DOCK10: variants seen among roughly 807,000 people sequenced by gnomAD.
DOCK10 encodes dedicator of cytokinesis 10.
Under a neutral mutation model 280.1 loss-of-function variants are expected in DOCK10, and 145 were observed. The ratio of observed to expected loss-of-function variants is 0.52; its 90% CI spans 0.45 to 0.59. The LOEUF is 0.59. Among genes scored for constraint, DOCK10 ranks in the 20% least tolerant of loss-of-function variants. The probability of loss-of-function intolerance (pLI) is 0.00; values close to 1 mark genes in which losing one functional copy is unlikely to be tolerated. For missense variants in DOCK10, 2,368 were observed against 2,651.7 expected, an observed-to-expected ratio of 0.89 and a Z score of 2.35; for synonymous variants, 915 against 942.2, an observed-to-expected ratio of 0.97 and a Z score of 0.53.
At chr2:224,879,320 C>T (rs566738283) in intron 7 of DOCK10, among the ~76,000 whole-genome samples, 18 of 152,156 alleles carry the variant, frequency 1.2e-4, no homozygotes, top group African/African-American at 3.6e-4. Flanking sequence ...GATGTTCTGA[C>T]GAAGAAGGGC....
rs1412096665 is a variant in DOCK10, at chr2:224,778,275, C to CA, written c.5664dup (p.Glu1889Ter). The CA allele has an allele frequency of 4.4e-6, 7 of 1,600,852 alleles. No individual in the cohort carries two copies. The highest frequency in any genetic ancestry group is 6.0e-6 in the Non-Finnish European group (7 of 1,173,046). Reference sequence around the variant, plus strand: ...ATATACTCTTTACCTTCTTCTTCTTCAAAAAAGCCCTATGGAACATAATGA... The same window carrying CA: ...ATATACTCTTTACCTTCTTCTTCTTCAAAAAAAGCCCTATGGAACATAATGA... On this transcript the variant is annotated frameshift_variant, in exon 51 of 56. Transcript: ENST00000258390. LOFTEE classifies it high-confidence loss of function.
At chr2:224,853,779 T>C (rs893047799) in intron 16 of DOCK10, among the ~76,000 whole-genome samples, 3 of 152,244 alleles carry the variant, frequency 2.0e-5, no homozygotes, top group Admixed American at 2.0e-4. Flanking sequence ...GTTGTGGTAC[T>C]GAAAGACCAA....
chr2:224,821,845 TC>T (rs36080420), intron 28 of DOCK10, among the ~76,000 whole-genome samples: 1 of 152,132 alleles, frequency 6.6e-6, no homozygotes, highest in Non-Finnish European at 1.5e-5. Flanking sequence ...CAGTAACTTT[TC>T]CCCCCTTTAA....
At chr2:225,040,449 G>A (rs970896645) in intron 1 of DOCK10, among the ~76,000 whole-genome samples, 3 of 151,866 alleles carry the variant, frequency 2.0e-5, no homozygotes, top group Non-Finnish European at 4.4e-5. Context: ...AAGACAGCGA[G>A]CTTATTCATT....
chr2:224,781,905 G>GT (rs1347284063), intron 50 of DOCK10, among the ~76,000 whole-genome samples: 1 of 152,064 alleles, frequency 6.6e-6, no homozygotes, highest in Admixed American at 6.6e-5. Context: ...GATCATCACT[G>GT]TGTTGTCAAA....
chr2:224,845,095 T>C, intron 21 of DOCK10, 108 bp downstream of exon 21: 1 of 1,180,266 alleles, frequency 8.5e-7, no homozygotes, highest in South Asian at 1.5e-5. Context: ...GATTCATAGC[T>C]ACAAGGGACA....
At chr2:224,788,969 T>C (rs995301623) in intron 48 of DOCK10, 95 bp downstream of exon 48, 1 of 721,524 alleles carries the variant, frequency 1.4e-6, no homozygotes, top group Non-Finnish European at 2.3e-6. Context: ...TATTATAAAA[T>C]AGCTGTAAGC....
intron 27 of DOCK10, among the ~76,000 whole-genome samples, chr2:224,829,781 T>C (rs1170304862): frequency 1.3e-5 from 2 of 152,040 alleles, no homozygotes; most frequent in Non-Finnish European, 2.9e-5. Flanking sequence ...GGATCTAGAA[T>C]GGAGAGTTGG....
At chr2:224,973,750 T>C (rs551204431) in intron 1 of DOCK10, among the ~76,000 whole-genome samples, 12 of 152,316 alleles carry the variant, frequency 7.9e-5, no homozygotes, top group African/African-American at 2.9e-4. Flanking sequence ...CTCACGACTC[T>C]CATTTTACAG....
intron 11 of DOCK10, among the ~76,000 whole-genome samples, 166 bp from the exon 12 acceptor site, chr2:224,865,253 C>A (rs562059551): frequency 1.4e-4 from 21 of 152,298 alleles, no homozygotes; most frequent in Non-Finnish European, 2.5e-4. Context: ...GCCTTAGATC[C>A]CAGTACTGTA....
Position 224,847,318 on chromosome 2 carries a change from G to A in DOCK10, c.2236-1676C>T, listed in dbSNP as rs920053762. ...GAAGCAGGGCTGCACATGTTAGGGG[G>A]CTCTGAGTTACTGTGCAGGTGGTGT... On this transcript the variant is annotated intron_variant, in intron 19 of 55. Coordinates refer to ENST00000258390, the MANE Select transcript of DOCK10 (RefSeq NM_014689.3). Among the ~76,000 whole-genome samples, 8 of 152,162 alleles carry A rather than the reference G, an allele frequency of 5.3e-5. No individual in the cohort carries two copies. The South Asian group carries it at 1.7e-3, about 31-fold the overall frequency.
intron 1 of DOCK10, among the ~76,000 whole-genome samples, chr2:224,976,273 C>T (rs1705434239): frequency 6.6e-6 from 1 of 152,128 alleles, no homozygotes; most frequent in Non-Finnish European, 1.5e-5. Context: ...TTAGGAAAAA[C>T]ACTTAATGCA....
intron 47 of DOCK10, among the ~76,000 whole-genome samples, chr2:224,791,238 C>A (rs556802412): frequency 6.6e-6 from 1 of 152,120 alleles, no homozygotes; most frequent in South Asian, 2.1e-4. Context: ...TTATGATAAG[C>A]AATAGATGAG....
At chr2:224,808,215 C>T (rs1693528195) in intron 31 of DOCK10, 129 bp from the exon 32 acceptor site, 1 of 834,034 alleles carries the variant, frequency 1.2e-6, no homozygotes, top group Non-Finnish European at 1.9e-6. Context: ...TACAGTCTTG[C>T]TACAGAAATG....
intron 7 of DOCK10, among the ~76,000 whole-genome samples, chr2:224,881,399 C>T (rs1476778373): frequency 6.6e-6 from 1 of 152,110 alleles, no homozygotes; most frequent in African/African-American, 2.4e-5. Context: ...TGAAATGAAT[C>T]CCATATCTAA....
intron 23 of DOCK10, 103 bp downstream of exon 23, chr2:224,841,701 A>G (rs559661593): frequency 3.0e-6 from 2 of 670,766 alleles, no homozygotes; most frequent in Middle Eastern, 2.5e-4. Flanking sequence ...AAAAATCTTG[A>G]GTAATAATCA....
chr2:224,827,044 C>T (rs1694914694), intron 27 of DOCK10, among the ~76,000 whole-genome samples: 1 of 151,794 alleles, frequency 6.6e-6, no homozygotes, highest in African/African-American at 2.4e-5. Context: ...GGGTGGATCA[C>T]CTAAGGTCAG....
In DOCK10 at chr2:224,863,668, GGTC is replaced by G; in HGVS notation, c.1602+882_1602+884del. Among the ~76,000 whole-genome samples, 3 of 152,206 alleles carry G rather than the reference GGTC, an allele frequency of 2.0e-5. No homozygotes were observed. In the East Asian group the frequency reaches 5.8e-4, roughly 29 times the overall value. ...GGGGTTTCACCATGTTAGCCAGGAT[GGTC>G]TCCATCTCTTGACCTCGTGATCGCC... On this transcript the variant is annotated intron_variant, in intron 13 of 55. Coordinates refer to ENST00000258390, the MANE Select transcript of DOCK10 (RefSeq NM_014689.3).
intron 31 of DOCK10, among the ~76,000 whole-genome samples, chr2:224,811,567 A>G (rs376192287): frequency 6.6e-6 from 1 of 152,232 alleles, no homozygotes; most frequent in Non-Finnish European, 1.5e-5. Context: ...GCCCATGCCT[A>G]TGTCCTGAAT....
Sources: allele counts gnomAD v4.1 joint callset (sites outside exome capture counted in the v4.1 genomes callset), GRCh38; gene constraint gnomAD v4.1.1; transcripts MANE v1.5; gene names NCBI Gene and HGNC (gene_info 2026-07-23, HGNC 2026-07-21).